The following CNTN5 variants were observed in gnomAD, a reference collection of about 807,000 sequenced individuals.
The protein encoded by CNTN5 is contactin 5.
Under a neutral mutation model 129.1 loss-of-function variants are expected in CNTN5, and 77 were observed. The observed-to-expected ratio is 0.60, with a 90% confidence interval of 0.50 to 0.72. The LOEUF (loss-of-function observed/expected upper bound fraction) is 0.72, where lower values mean the gene tolerates loss of function less well. Ranked by LOEUF, CNTN5 falls within the 30% of genes least tolerant of loss-of-function variation. The pLI, the probability that CNTN5 is intolerant of heterozygous loss-of-function variation, is 0.00. For synonymous variants in CNTN5, 509 were observed against 465.6 expected (o/e 1.09, Z -1.20); for missense variants, 1,478 against 1,328.8 (o/e 1.11, Z -1.75).
At chr11:99,443,495 G>C (rs116338241) in intron 2 of CNTN5, among the ~76,000 whole-genome samples, 1,783 of 152,294 alleles carry the variant, frequency 0.012, 35 homozygotes, top group African/African-American at 0.04. Context: ...GTCAGTTTTT[G>C]CTGACAGTCC....
intron 13 of CNTN5, among the ~76,000 whole-genome samples, chr11:100,136,131 C>T (rs759666982): frequency 3.5e-4 from 53 of 152,030 alleles, no homozygotes; most frequent in Admixed American, 5.9e-4. Context: ...ATCCATAGCT[C>T]AATGAAGATC....
chr11:100,172,897 T>G (rs2138416477), intron 13 of CNTN5, among the ~76,000 whole-genome samples: 2 of 152,190 alleles, frequency 1.3e-5, no homozygotes, highest in East Asian at 3.9e-4. Flanking sequence ...TCAACCTATG[T>G]CACACTGTGA....
chr11:99,647,694 GT>G (rs1164739792), intron 3 of CNTN5, among the ~76,000 whole-genome samples: 1 of 150,850 alleles, frequency 6.6e-6, no homozygotes, highest in Non-Finnish European at 1.5e-5. Flanking sequence ...ATTTTTTTGT[GT>G]GTCTTCTTTG....
At chr11:99,860,439 G>T (rs1364452700) in intron 6 of CNTN5, among the ~76,000 whole-genome samples, 2 of 152,228 alleles carry the variant, frequency 1.3e-5, no homozygotes, top group African/African-American at 4.8e-5. Flanking sequence ...ATAGCTATAG[G>T]TCTTACATTT....
chr11:99,158,964 A>G (rs985987295), intron 1 of CNTN5, among the ~76,000 whole-genome samples: 5 of 152,192 alleles, frequency 3.3e-5, no homozygotes, highest in Non-Finnish European at 7.4e-5. Context: ...TATTACACCA[A>G]TTTCACTTGG....
intron 1 of CNTN5, among the ~76,000 whole-genome samples, chr11:99,058,429 C>CA (rs953462900): frequency 6.4e-4 from 98 of 152,074 alleles, no homozygotes; most frequent in African/African-American, 2.3e-3. Flanking sequence ...CTAAATACCT[C>CA]AAAAATCACT....
intron 3 of CNTN5, among the ~76,000 whole-genome samples, chr11:99,600,685 G>GT (rs1158359840): frequency 6.6e-6 from 1 of 152,118 alleles, no homozygotes; most frequent in Non-Finnish European, 1.5e-5. Context: ...GTAGAAGCCA[G>GT]TTTTTTCAAA....
chr11:99,600,638 C>A (rs539176555), intron 3 of CNTN5, among the ~76,000 whole-genome samples: 5 of 152,048 alleles, frequency 3.3e-5, no homozygotes, highest in African/African-American at 1.2e-4. Flanking sequence ...CTCAGCCAGC[C>A]CTCTACAACT....
intron 7 of CNTN5, among the ~76,000 whole-genome samples, chr11:99,930,936 A>C (rs986371294): frequency 2.6e-5 from 4 of 152,178 alleles, no homozygotes; most frequent in African/African-American, 9.6e-5. Context: ...TTGAGAAATA[A>C]AGGAATTATT....
At chr11:99,219,070 A>C (rs1438458597) in intron 1 of CNTN5, among the ~76,000 whole-genome samples, 1 of 151,998 alleles carries the variant, frequency 6.6e-6, no homozygotes, top group Admixed American at 6.6e-5. Context: ...TTTACCATTC[A>C]TTGCAATGAA....
At chr11:99,398,950 T>A (rs1271162733) in intron 2 of CNTN5, among the ~76,000 whole-genome samples, 1 of 151,684 alleles carries the variant, frequency 6.6e-6, no homozygotes, top group Non-Finnish European at 1.5e-5. Flanking sequence ...CTTAACAAAC[T>A]CCTGCACATC....
intron 6 of CNTN5, among the ~76,000 whole-genome samples, chr11:99,849,672 G>A (rs571880362): frequency 1.2e-3 from 182 of 152,216 alleles, no homozygotes; most frequent in African/African-American, 3.8e-3. Context: ...GGTTTTGAAT[G>A]TCTCAAGCTC....
intron 1 of CNTN5, among the ~76,000 whole-genome samples, chr11:99,033,694 T>A (rs558029740): frequency 6.6e-6 from 1 of 151,650 alleles, no homozygotes; most frequent in Admixed American, 6.6e-5. Flanking sequence ...TTTCTAGATA[T>A]ACAATCATGT....
At chr11:100,039,064 T>C (rs938602953) in intron 9 of CNTN5, among the ~76,000 whole-genome samples, 3 of 152,210 alleles carry the variant, frequency 2.0e-5, no homozygotes, top group African/African-American at 4.8e-5. Flanking sequence ...TTCCTAGCCT[T>C]GATGGTCTTT....
At chr11:99,855,794 A>G (rs2135743027) in intron 6 of CNTN5, among the ~76,000 whole-genome samples, 1 of 152,328 alleles carries the variant, frequency 6.6e-6, no homozygotes, top group East Asian at 1.9e-4. Flanking sequence ...ATCTTGACCT[A>G]TAAGCTTAAA....
Position 99,998,990 on chromosome 11 carries a change from T to A in CNTN5, c.878-3044T>A, listed in dbSNP as rs1455868718. Among the ~76,000 whole-genome samples, 3 of 152,128 alleles carry A rather than the reference T, an allele frequency of 2.0e-5. No individual in the cohort carries two copies. In the East Asian group the frequency reaches 5.8e-4, roughly 29 times the overall value. ...GAAACTGGATCCCTTCCTTACACCT[T>A]ATACAAAAATTAATTCAAGATGGAA... is the stretch of plus-strand genomic sequence containing the variant. On this transcript the variant is annotated intron_variant, in intron 8 of 24. Coordinates refer to ENST00000524871, the MANE Select transcript of CNTN5 (RefSeq NM_014361.4).
chr11:99,517,868 CAGGG>C (rs1947118487), intron 2 of CNTN5, among the ~76,000 whole-genome samples: 1 of 152,078 alleles, frequency 6.6e-6, no homozygotes. Context: ...AGGGTTAGGA[CAGGG>C]ACAATGTTAT....
Position 100,002,122 on chromosome 11 carries a change from C to T in CNTN5, c.966C>T (p.Cys322=). The T allele has an allele frequency of 1.9e-6, 3 of 1,571,160 alleles. No individual in the cohort carries two copies. The highest frequency in any genetic ancestry group is 1.4e-5 in the African/African-American group (1 of 72,912). Residue 322 remains cysteine, a synonymous_variant, in exon 9 of 25, where the codon TGC becomes TGT. Coordinates refer to ENST00000524871, the MANE Select transcript of CNTN5 (RefSeq NM_014361.4). The stretch of plus-strand genomic sequence containing the variant: ...AAGGAACAACTGTTAAGATGGAATG[C>T]TTTGCACTTGGCAAGTAAGTACATG... The part of the protein sequence containing the change: ...AAKGTTVKME[C]FALGNPVPTI...
At chr11:100,176,446 T>C (rs977263337) in intron 13 of CNTN5, among the ~76,000 whole-genome samples, 1 of 152,132 alleles carries the variant, frequency 6.6e-6, no homozygotes, top group Non-Finnish European at 1.5e-5. Flanking sequence ...CAAATTTTTA[T>C]GTTGGCCCTT....
Sources: allele counts gnomAD v4.1 joint callset (sites outside exome capture counted in the v4.1 genomes callset), GRCh38; gene constraint gnomAD v4.1.1; transcripts MANE v1.5; gene names NCBI Gene and HGNC (gene_info 2026-07-23, HGNC 2026-07-21).